The following SUSD6 variants were observed in gnomAD, a reference collection of about 807,000 sequenced individuals.
The protein encoded by SUSD6 is sushi domain containing 6.
Under a neutral mutation model 28.4 loss-of-function variants are expected in SUSD6, and 16 were observed. The ratio of observed to expected loss-of-function variants is 0.56; its 90% CI spans 0.38 to 0.86. The LOEUF (loss-of-function observed/expected upper bound fraction) is 0.86, where lower values mean the gene tolerates loss of function less well. SUSD6 is among the 40% of genes least tolerant of loss of function. The probability of loss-of-function intolerance (pLI) is 0.00; values close to 1 mark genes in which losing one functional copy is unlikely to be tolerated. For missense variants in SUSD6, 341 were observed against 384.2 expected (o/e 0.89, Z 0.94); for synonymous variants, 147 against 159.6 (o/e 0.92, Z 0.59).
At chr14:69,612,535 G>A (rs1367318763) in intron 1 of SUSD6, among the ~76,000 whole-genome samples, 4 of 152,166 alleles carry the variant, frequency 2.6e-5, no homozygotes, top group African/African-American at 4.8e-5. Context: ...TGGCTGGGGA[G>A]CTGCTGAAGT....
intron 4 of SUSD6, among the ~76,000 whole-genome samples, chr14:69,705,580 C>G (rs1886376943): frequency 6.6e-6 from 1 of 152,176 alleles, no homozygotes; most frequent in Admixed American, 6.5e-5. Flanking sequence ...TATAGAGGCA[C>G]CTGGGGGAGT....
intron 2 of SUSD6, among the ~76,000 whole-genome samples, chr14:69,700,616 T>G (rs1030999143): frequency 2.6e-5 from 4 of 152,220 alleles, no homozygotes; most frequent in Non-Finnish European, 4.4e-5. Flanking sequence ...TACTTCAAAC[T>G]ATGACCTCCC....
chr14:69,633,825 A>G (rs1363736551), intron 1 of SUSD6, among the ~76,000 whole-genome samples: 1 of 152,224 alleles, frequency 6.6e-6, no homozygotes, highest in African/African-American at 2.4e-5. Context: ...AAAGCTGTAT[A>G]TAGAAGATTG....
intron 2 of SUSD6, among the ~76,000 whole-genome samples, chr14:69,671,814 C>A (rs1885836945): frequency 6.6e-6 from 1 of 151,990 alleles, no homozygotes; most frequent in African/African-American, 2.4e-5. Flanking sequence ...GCAAAGGAAC[C>A]CTTTCTTGGT....
intron 2 of SUSD6, among the ~76,000 whole-genome samples, chr14:69,670,116 G>A (rs953041841): frequency 6.6e-6 from 1 of 152,208 alleles, no homozygotes; most frequent in East Asian, 1.9e-4. Flanking sequence ...AACTCCTTAA[G>A]CAAGTATGTG....
At chr14:69,657,957 G>A (rs1294266739) in intron 1 of SUSD6, among the ~76,000 whole-genome samples, 1 of 152,178 alleles carries the variant, frequency 6.6e-6, no homozygotes, top group African/African-American at 2.4e-5. Context: ...CAGGTGTGTT[G>A]GGTGAGCCTT....
chr14:69,646,733 A>G (rs1885433053), intron 1 of SUSD6, among the ~76,000 whole-genome samples: 1 of 111,772 alleles, frequency 8.9e-6, no homozygotes, highest in Admixed American at 1.4e-4. Context: ...ACAGGGTATC[A>G]CTCTGTCGCC....
At chr14:69,688,058 G>T (rs1252424050) in intron 2 of SUSD6, among the ~76,000 whole-genome samples, 2 of 152,062 alleles carry the variant, frequency 1.3e-5, no homozygotes, top group East Asian at 3.9e-4. Context: ...GAAACATCTA[G>T]CCTGCTTTTT....
chr14:69,665,780 C>T (rs753814943), intron 2 of SUSD6, among the ~76,000 whole-genome samples: 1 of 152,184 alleles, frequency 6.6e-6, no homozygotes, highest in Non-Finnish European at 1.5e-5. Flanking sequence ...TGATGAAAAG[C>T]ATGTACTCTG....
At chr14:69,633,973 A>G (rs1000143394) in intron 1 of SUSD6, among the ~76,000 whole-genome samples, 1 of 152,248 alleles carries the variant, frequency 6.6e-6, no homozygotes, top group African/African-American at 2.4e-5. Context: ...GCTGGGGACC[A>G]TCCAGTTTTA....
intron 1 of SUSD6, among the ~76,000 whole-genome samples, chr14:69,644,351 GAATT>G (rs960541754): frequency 3.9e-5 from 6 of 152,166 alleles, no homozygotes; most frequent in African/African-American, 1.4e-4. Context: ...AATGTTGCCT[GAATT>G]AATTAATTAA....
chr14:69,632,677 C>A lies in SUSD6; in HGVS notation c.-81+20849C>A, dbSNP rs145577501. On this transcript the variant is annotated intron_variant, in intron 1 of 5. Coordinates refer to ENST00000342745, the MANE Select transcript of SUSD6 (RefSeq NM_014734.4). ...TAAAAAAAAAAAACAAAACACTGGG[C>A]AGATGGGAAGGATGAAATGTGTAAC... Among the ~76,000 whole-genome samples the A allele has an allele frequency of 2.6e-3, 398 of 150,898 alleles. 2 individuals are homozygous for A. The highest frequency in any genetic ancestry group is 4.4e-3 in the Non-Finnish European group (301 of 67,778).
chr14:69,704,526 C>A, intron 3 of SUSD6, 78 bp from the exon 4 acceptor site: 1 of 1,455,090 alleles, frequency 6.9e-7, no homozygotes, highest in Non-Finnish European at 9.3e-7. Flanking sequence ...AGGCATTTGA[C>A]AAGATCAGCT....
intron 1 of SUSD6, among the ~76,000 whole-genome samples, chr14:69,614,019 G>C (rs1016692930): frequency 2.0e-5 from 3 of 152,210 alleles, no homozygotes; most frequent in African/African-American, 7.2e-5. Context: ...CACTTTGTCT[G>C]TTTTCCTGGT....
chr14:69,665,329 C>T (rs977768272), intron 2 of SUSD6, among the ~76,000 whole-genome samples: 4 of 152,170 alleles, frequency 2.6e-5, no homozygotes, highest in South Asian at 2.1e-4. Context: ...CAACTTCTGC[C>T]TCCTGGGTTA....
At chr14:69,623,974 ATATGTAGCCTAAGTGTACAGTGT>A (rs1316603814) in intron 1 of SUSD6, among the ~76,000 whole-genome samples, 39 of 152,380 alleles carry the variant, frequency 2.6e-4, no homozygotes, top group African/African-American at 9.4e-4. Flanking sequence ...ATTTTAAAAA[ATATGTAGCCTAAGTGTACAGTGT>A]TTATAAAGTC....
At chr14:69,632,308 T>C (rs1261920630) in intron 1 of SUSD6, among the ~76,000 whole-genome samples, 1 of 152,066 alleles carries the variant, frequency 6.6e-6, no homozygotes, top group East Asian at 1.9e-4. Context: ...AGGAGCTGCA[T>C]TTCTGGGAGC....
At chr14:69,696,135 C>G (rs562585699) in intron 2 of SUSD6, among the ~76,000 whole-genome samples, 89 of 152,332 alleles carry the variant, frequency 5.8e-4, no homozygotes, top group Admixed American at 3.9e-3. Context: ...TGCCCTGCCC[C>G]CCTCAGCAGG....
In SUSD6 at chr14:69,658,529, C is replaced by T; in HGVS notation, c.-64C>T. ...TTGTTACAGGTGAATCAGCTCCCGGCCGACTTTAGGATTCTTCTGGATTTT... is the reference window on the plus strand; with the variant it reads ...TTGTTACAGGTGAATCAGCTCCCGGTCGACTTTAGGATTCTTCTGGATTTT... On this transcript the variant is annotated 5_prime_UTR_variant, in exon 2 of 6. Coordinates refer to ENST00000342745, the MANE Select transcript of SUSD6 (RefSeq NM_014734.4). 1 of 1,572,218 alleles carries T rather than the reference C, an allele frequency of 6.4e-7. No individual in the cohort carries two copies. The highest frequency in any genetic ancestry group is 8.7e-7 in the Non-Finnish European group (1 of 1,149,036).
Sources: allele counts gnomAD v4.1 joint callset (sites outside exome capture counted in the v4.1 genomes callset), GRCh38; gene constraint gnomAD v4.1.1; transcripts MANE v1.5; gene names NCBI Gene and HGNC (gene_info 2026-07-23, HGNC 2026-07-21).